IQCM: variants seen among roughly 807,000 people sequenced by gnomAD.
The protein encoded by IQCM is IQ motif containing M.
Under a neutral mutation model 57.6 loss-of-function variants are expected in IQCM, and 45 were observed. That is an observed-to-expected ratio of 0.78 (90% CI 0.62 to 1.00). The LOEUF is 1.00. IQCM is among the 50% of genes least tolerant of loss of function. The pLI is 0.00. For synonymous variants in IQCM, 148 were observed against 158.9 expected, an observed-to-expected ratio of 0.93 and a Z score of 0.51; for missense variants, 468 against 511.6, an observed-to-expected ratio of 0.91 and a Z score of 0.82.
chr4:149,506,205 G>T (rs1190466940), intron 12 of IQCM, among the ~76,000 whole-genome samples: 3 of 152,184 alleles, frequency 2.0e-5, no homozygotes, highest in Admixed American at 2.0e-4. Flanking sequence ...ACATTCAGGG[G>T]TATGTGCATA....
intron 13 of IQCM, among the ~76,000 whole-genome samples, chr4:149,405,828 C>CATATATATAT (rs55914421): frequency 5.9e-5 from 8 of 135,416 alleles, no homozygotes; most frequent in African/African-American, 1.9e-4. Flanking sequence ...TCCTAAGGAG[C>CATATATATAT]ATATATATAT....
chr4:149,532,460 A>T (rs1341106378), intron 12 of IQCM, among the ~76,000 whole-genome samples: 1 of 151,442 alleles, frequency 6.6e-6, no homozygotes, highest in Non-Finnish European at 1.5e-5. Flanking sequence ...CCTGAAAAAG[A>T]GTTTTGGAAA....
intron 2 of IQCM, among the ~76,000 whole-genome samples, chr4:149,791,310 T>TACA (rs1457227863): frequency 2.0e-5 from 3 of 152,206 alleles, no homozygotes; most frequent in Non-Finnish European, 4.4e-5. Context: ...TGCATAATAG[T>TACA]TGTACACTTT....
intron 12 of IQCM, among the ~76,000 whole-genome samples, chr4:149,509,026 C>A (rs1000549712): frequency 1.3e-5 from 2 of 152,182 alleles, no homozygotes; most frequent in African/African-American, 4.8e-5. Flanking sequence ...TACCTTCTGC[C>A]ATGATTGTAA....
At chr4:149,702,869 C>T (rs1190671295) in intron 5 of IQCM, among the ~76,000 whole-genome samples, 3 of 151,888 alleles carry the variant, frequency 2.0e-5, no homozygotes, top group Non-Finnish European at 4.4e-5. Flanking sequence ...CTGCTCTTAA[C>T]AGAGAAACAA....
chr4:149,736,341 C>T (rs1052365038), intron 3 of IQCM, among the ~76,000 whole-genome samples: 1 of 152,162 alleles, frequency 6.6e-6, no homozygotes, highest in African/African-American at 2.4e-5. Context: ...AAGTTTTCCT[C>T]TTTACATATT....
At chr4:149,383,878 A>T (rs1486238054) in intron 13 of IQCM, among the ~76,000 whole-genome samples, 1 of 152,136 alleles carries the variant, frequency 6.6e-6, no homozygotes, top group East Asian at 1.9e-4. Flanking sequence ...ACTTGAACCC[A>T]GGAGGTGGAG....
At chr4:149,506,436 T>G (rs1743822203) in intron 12 of IQCM, among the ~76,000 whole-genome samples, 1 of 152,294 alleles carries the variant, frequency 6.6e-6, no homozygotes, top group South Asian at 2.1e-4. Flanking sequence ...AAAATACATT[T>G]CCATAGATGT....
intron 5 of IQCM, among the ~76,000 whole-genome samples, chr4:149,691,401 T>C (rs1387937683): frequency 6.6e-6 from 1 of 152,168 alleles, no homozygotes; most frequent in Admixed American, 6.5e-5. Context: ...ATTGCTATGC[T>C]AACTCCTGGG....
intron 7 of IQCM, among the ~76,000 whole-genome samples, chr4:149,642,868 A>C: frequency 6.6e-6 from 1 of 152,172 alleles, no homozygotes; most frequent in East Asian, 1.9e-4. Flanking sequence ...AACGTACATT[A>C]CTTTTTTTAA....
At chr4:149,571,773 AAAAT>A (rs746287417) in intron 9 of IQCM, among the ~76,000 whole-genome samples, 7 of 152,138 alleles carry the variant, frequency 4.6e-5, no homozygotes, top group Non-Finnish European at 8.8e-5. Context: ...TCTGTAAATA[AAAAT>A]AAATAATGAG....
intron 7 of IQCM, among the ~76,000 whole-genome samples, chr4:149,681,894 C>A (rs952958409): frequency 6.6e-6 from 1 of 151,062 alleles, no homozygotes; most frequent in African/African-American, 2.4e-5. Context: ...CTACAACCTG[C>A]AATATTCATA....
At chr4:149,373,589 T>C (rs1043082289) in intron 13 of IQCM, among the ~76,000 whole-genome samples, 10 of 152,272 alleles carry the variant, frequency 6.6e-5, no homozygotes, top group African/African-American at 1.9e-4. Flanking sequence ...TAAGTGAATA[T>C]AAATTACCTG....
At chr4:149,601,883 T>C (rs1472868452) in intron 8 of IQCM, among the ~76,000 whole-genome samples, 1 of 151,854 alleles carries the variant, frequency 6.6e-6, no homozygotes, top group East Asian at 1.9e-4. Context: ...ACCCCGTCTC[T>C]ACTAAAAATA....
chr4:149,531,419 T>A (rs1746735894), intron 12 of IQCM, among the ~76,000 whole-genome samples: 1 of 152,184 alleles, frequency 6.6e-6, no homozygotes, highest in Non-Finnish European at 1.5e-5. Flanking sequence ...ACTGTAACCC[T>A]CACTCATTGT....
chr4:149,684,546 T>C (rs1310285591), intron 6 of IQCM, among the ~76,000 whole-genome samples: 1 of 151,404 alleles, frequency 6.6e-6, no homozygotes, highest in Non-Finnish European at 1.5e-5. Context: ...TCATACTAAT[T>C]AGTCCTAGAG....
rs188269344 is a variant in IQCM, at chr4:149,354,633, A to T, written c.1391-2567T>A. Among the ~76,000 whole-genome samples the T allele has an allele frequency of 5.9e-5, 9 of 152,148 alleles. No homozygotes were observed. In the East Asian group the frequency reaches 1.7e-3, roughly 29 times the overall value. ...AAGCAAGAGATACTTATAATATAAC[A>T]TTACTCAAAAGAGTTAAAATAGAAA... is the stretch of plus-strand genomic sequence containing the variant. On this transcript the variant is annotated intron_variant, in intron 13 of 13. Transcript: ENST00000636793.
intron 13 of IQCM, chr4:149,429,818 C>T (rs2111252830): frequency 2.6e-6 from 1 of 388,414 alleles, no homozygotes; most frequent in African/African-American, 2.1e-5. Flanking sequence ...ATTTAATAAC[C>T]ATGTAATTCA....
At chr4:149,648,042 T>G (rs1758802684) in intron 7 of IQCM, among the ~76,000 whole-genome samples, 1 of 152,224 alleles carries the variant, frequency 6.6e-6, no homozygotes, top group South Asian at 2.1e-4. Flanking sequence ...ACAATATATT[T>G]TTTCTAGAAT....
Sources: gnomAD v4.1 joint callset for allele counts (sites outside exome capture counted in the v4.1 genomes callset) on GRCh38, gnomAD v4.1.1 for gene constraint, MANE v1.5 for transcripts, NCBI Gene and HGNC (gene_info 2026-07-23, HGNC 2026-07-21) for gene names.